Variants in DTHD1 observed in about 807,000 individuals in gnomAD.
The protein encoded by DTHD1 is death domain containing 1.
A neutral mutation model predicts 74.8 loss-of-function variants in DTHD1; 59 were observed. That is an observed-to-expected ratio of 0.79 (90% CI 0.64 to 0.98). DTHD1 has a LOEUF of 0.98. Among genes scored for constraint, DTHD1 ranks in the 50% least tolerant of loss-of-function variants. DTHD1 has a pLI of 0.00. For missense variants in DTHD1, 1,051 were observed against 1,065.4 expected (o/e 0.99, Z 0.19); for synonymous variants, 365 against 371.1 (o/e 0.98, Z 0.19).
chr4:36,308,571 G>T lies in DTHD1; in HGVS notation c.2095+78G>T, dbSNP rs1757197428. The T allele has an allele frequency of 2.5e-6, 3 of 1,211,648 alleles. No individual in the cohort carries two copies. In the South Asian group the frequency reaches 5.0e-5, roughly 20 times the overall value. The allele number at this position is 1,211,648 out of a possible 1,614,324, so 75.1% of individuals were successfully genotyped here. On this transcript the variant is annotated intron_variant, in intron 7 of 9. Transcript: ENST00000639862. ...CTTCAGAAGAGTTTGCTAAACTTGT[G>T]TTACTAAGGAAACCTTCAGAGGATT...
At chr4:36,309,791 T>C (rs1209933195) in intron 7 of DTHD1, among the ~76,000 whole-genome samples, 1 of 152,230 alleles carries the variant, frequency 6.6e-6, no homozygotes, top group Non-Finnish European at 1.5e-5. Flanking sequence ...ACAAATAAAC[T>C]ATCATCCTCA....
intron 2 of DTHD1, among the ~76,000 whole-genome samples, chr4:36,288,908 C>T (rs1310582541): frequency 6.6e-6 from 1 of 152,100 alleles, no homozygotes; most frequent in Non-Finnish European, 1.5e-5. Flanking sequence ...AACAATGTTT[C>T]TCATTTTCTG....
chr4:36,311,481 C>A (rs879414479), intron 7 of DTHD1, among the ~76,000 whole-genome samples: 21 of 151,362 alleles, frequency 1.4e-4, no homozygotes, highest in Non-Finnish European at 2.5e-4. Flanking sequence ...CACCCTCACC[C>A]CCAGTTCTCT....
At chr4:36,339,018 C>T (rs186141878) in intron 8 of DTHD1, 94 bp from the exon 9 acceptor site, 18 of 1,012,260 alleles carry the variant, frequency 1.8e-5, no homozygotes, top group South Asian at 3.1e-5. Context: ...AGTACTTCTT[C>T]GAAACAGAGA....
intron 5 of DTHD1, among the ~76,000 whole-genome samples, chr4:36,297,383 C>T (rs959301325): frequency 1.3e-5 from 2 of 152,126 alleles, no homozygotes; most frequent in Non-Finnish European, 2.9e-5. Flanking sequence ...AGGAGTACAG[C>T]GTAATCTTGC....
intron 8 of DTHD1, among the ~76,000 whole-genome samples, chr4:36,322,429 G>GA (rs1758084308): frequency 6.6e-6 from 1 of 152,190 alleles, no homozygotes; most frequent in Non-Finnish European, 1.5e-5. Flanking sequence ...GGTGGTGTGA[G>GA]TTGGTAGGTG....
chr4:36,321,643 T>C (rs1029541260), intron 8 of DTHD1, among the ~76,000 whole-genome samples: 1 of 152,304 alleles, frequency 6.6e-6, no homozygotes, highest in Non-Finnish European at 1.5e-5. Flanking sequence ...AAATTTAACT[T>C]GCCTGAATCA....
chr4:36,329,857 T>C (rs1022025419), intron 8 of DTHD1, among the ~76,000 whole-genome samples: 1 of 152,226 alleles, frequency 6.6e-6, no homozygotes, highest in Admixed American at 6.5e-5. Flanking sequence ...TCAGAGATCT[T>C]GGCTGGCAAC....
intron 4 of DTHD1, 119 bp downstream of exon 4, chr4:36,293,824 G>T (rs1560789671): frequency 1.1e-6 from 1 of 892,810 alleles, no homozygotes; most frequent in Non-Finnish European, 1.6e-6. Flanking sequence ...TTATTTTCTT[G>T]TAGTTGTAAC....
intron 3 of DTHD1, 66 bp downstream of exon 3, chr4:36,290,769 A>G: frequency 2.4e-6 from 3 of 1,264,802 alleles, no homozygotes; most frequent in Non-Finnish European, 3.2e-6. Flanking sequence ...CACTCAGACT[A>G]ACAGATTGTA....
chr4:36,317,432 TACAC>T (rs1757796648), intron 8 of DTHD1, among the ~76,000 whole-genome samples: 1 of 152,194 alleles, frequency 6.6e-6, no homozygotes, highest in African/African-American at 2.4e-5. Context: ...AAGTTTAAGA[TACAC>T]ACTGCATTTC....
intron 6 of DTHD1, among the ~76,000 whole-genome samples, chr4:36,307,105 G>A (rs1426001363): frequency 5.9e-5 from 9 of 152,246 alleles, no homozygotes; most frequent in Non-Finnish European, 1.3e-4. Context: ...ATGTAGGGCT[G>A]CTCTGGGTGA....
intron 8 of DTHD1, among the ~76,000 whole-genome samples, chr4:36,331,975 G>C (rs913781772): frequency 6.6e-6 from 1 of 152,082 alleles, no homozygotes; most frequent in Non-Finnish European, 1.5e-5. Context: ...GACCGCACAA[G>C]GAACAATTAA....
intron 8 of DTHD1, among the ~76,000 whole-genome samples, chr4:36,319,588 C>T (rs1757942600): frequency 1.3e-5 from 2 of 152,144 alleles, no homozygotes; most frequent in Non-Finnish European, 2.9e-5. Context: ...AATTCTCTGG[C>T]AAGAGGCGGT....
intron 8 of DTHD1, 115 bp from the exon 9 acceptor site, chr4:36,338,997 G>T: frequency 2.5e-6 from 2 of 796,558 alleles, no homozygotes; most frequent in East Asian, 5.5e-5. Flanking sequence ...ATTTTGCAAG[G>T]TATGCAATTC....
At chr4:36,338,992 G>A in intron 8 of DTHD1, 120 bp from the exon 9 acceptor site, 1 of 762,350 alleles carries the variant, frequency 1.3e-6, no homozygotes, top group Non-Finnish European at 2.1e-6. Flanking sequence ...ATTTAATTTT[G>A]CAAGGTATGC....
At chr4:36,306,615 C>G (rs1757069164) in intron 6 of DTHD1, among the ~76,000 whole-genome samples, 1 of 152,176 alleles carries the variant, frequency 6.6e-6, no homozygotes, top group Non-Finnish European at 1.5e-5. Flanking sequence ...AAAATAGCAC[C>G]TTCATTTCTG....
chr4:36,296,935 A>G (rs1319552028), intron 5 of DTHD1, among the ~76,000 whole-genome samples: 1 of 152,120 alleles, frequency 6.6e-6, no homozygotes, highest in African/African-American at 2.4e-5. Flanking sequence ...ACCAGGAGAA[A>G]AGCCTTACCA....
Position 36,318,769 on chromosome 4 carries a change from C to T in DTHD1, c.2340+2283C>T, listed in dbSNP as rs1211444401. On this transcript the variant is annotated intron_variant, in intron 8 of 9. Coordinates refer to ENST00000639862, the MANE Select transcript of DTHD1 (RefSeq NM_001170700.3). Reference sequence around the variant, plus strand: ...AGCTGGGACTACAGGCGCCCGCCACCACGCCCAGCTAATTTTTTGTATTTT... The same window carrying T: ...AGCTGGGACTACAGGCGCCCGCCACTACGCCCAGCTAATTTTTTGTATTTT... Among the ~76,000 whole-genome samples, 4 of 152,006 alleles carry T rather than the reference C, an allele frequency of 2.6e-5. No individual in the cohort carries two copies. The East Asian group carries it at 7.7e-4, about 29-fold the overall frequency.
Sources: allele counts gnomAD v4.1 joint callset (sites outside exome capture counted in the v4.1 genomes callset), GRCh38; gene constraint gnomAD v4.1.1; transcripts MANE v1.5; gene names NCBI Gene and HGNC (gene_info 2026-07-23, HGNC 2026-07-21).